The following MYLK variants were observed in gnomAD, a reference collection of about 807,000 sequenced individuals.
MYLK encodes myosin light chain kinase.
A neutral mutation model predicts 203.4 loss-of-function variants in MYLK; 106 were observed. The ratio of observed to expected loss-of-function variants is 0.52; its 90% confidence interval spans 0.45 to 0.61. MYLK has a LOEUF of 0.61. Among genes scored for constraint, MYLK ranks in the 20% least tolerant of loss-of-function variants. The pLI is 0.00. For synonymous variants in MYLK, 867 were observed against 959.5 expected (o/e 0.90, Z 1.78); for missense variants, 2,072 against 2,442.3 (o/e 0.85, Z 3.20).
chr3:123,760,041 T>C (rs1467901960), intron 4 of MYLK, among the ~76,000 whole-genome samples: 1 of 152,188 alleles, frequency 6.6e-6, no homozygotes, highest in Non-Finnish European at 1.5e-5. Context: ...GTCAGACAGA[T>C]CTATGTGTGG....
rs113726016 is a variant in MYLK, at chr3:123,704,377, A to G, written c.2391-2868T>C. On this transcript the variant is annotated intron_variant, in intron 16 of 33. Coordinates refer to ENST00000360304, the MANE Select transcript of MYLK (RefSeq NM_053025.4). ...TCTTGGGGCCATCTTTGACATCTGC[A>G]CATAACCAGTTACAAAATCAGGGCC... Among the ~76,000 whole-genome samples, 1,328 of 152,318 alleles carry G rather than the reference A, an allele frequency of 8.7e-3. 19 individuals carry two copies. The highest frequency in any genetic ancestry group is 0.03 in the African/African-American group (1,249 of 41,572).
chr3:123,637,517 G>A (rs1485274954), intron 29 of MYLK, among the ~76,000 whole-genome samples: 3 of 152,168 alleles, frequency 2.0e-5, no homozygotes, highest in Non-Finnish European at 4.4e-5. Flanking sequence ...TGATTTTTCA[G>A]TTCTAATTAC....
At chr3:123,875,652 A>G (rs1353189807) in intron 2 of MYLK, among the ~76,000 whole-genome samples, 2 of 152,222 alleles carry the variant, frequency 1.3e-5, no homozygotes, top group African/African-American at 2.4e-5. Context: ...CTGTATATAA[A>G]TTATATCTAC....
At chr3:123,702,949 C>T (rs1008357133) in intron 16 of MYLK, among the ~76,000 whole-genome samples, 1 of 152,192 alleles carries the variant, frequency 6.6e-6, no homozygotes, top group African/African-American at 2.4e-5. Flanking sequence ...CTGTGCTTAT[C>T]AGTACAAATC....
chr3:123,727,048 G>T (rs2062314492), intron 11 of MYLK, among the ~76,000 whole-genome samples: 1 of 152,214 alleles, frequency 6.6e-6, no homozygotes. Flanking sequence ...TACTTTTCCA[G>T]ATGTGATTAC....
chr3:123,762,229 CT>C (rs554217014), intron 4 of MYLK, among the ~76,000 whole-genome samples: 18 of 149,086 alleles, frequency 1.2e-4, no homozygotes, highest in South Asian at 2.2e-4. Flanking sequence ...AACTAATATT[CT>C]TTTTTTTTTC....
At chr3:123,661,699 G>A (rs368776916) in intron 23 of MYLK, among the ~76,000 whole-genome samples, 41 of 152,246 alleles carry the variant, frequency 2.7e-4, no homozygotes, top group African/African-American at 8.7e-4. Context: ...CAGAACACAG[G>A]GTAAAGAAAC....
At chr3:123,881,529 T>C (rs2033538541) in intron 1 of MYLK, among the ~76,000 whole-genome samples, 1 of 152,116 alleles carries the variant, frequency 6.6e-6, no homozygotes, top group Non-Finnish European at 1.5e-5. Flanking sequence ...GGCTTCCAAG[T>C]AGGCTTATAT....
intron 23 of MYLK, 54 bp downstream of exon 23, chr3:123,664,051 G>T: frequency 1.9e-6 from 3 of 1,611,826 alleles, no homozygotes; most frequent in African/African-American, 1.3e-5. Context: ...TTGCCTGGGG[G>T]CTCCCTGCCT....
intron 2 of MYLK, among the ~76,000 whole-genome samples, chr3:123,858,160 C>T (rs1048055052): frequency 6.6e-6 from 1 of 152,158 alleles, no homozygotes; most frequent in African/African-American, 2.4e-5. Flanking sequence ...TTATCACTTG[C>T]AATAGTGCCC....
intron 2 of MYLK, among the ~76,000 whole-genome samples, chr3:123,836,595 T>C (rs1214900008): frequency 1.3e-5 from 2 of 152,210 alleles, no homozygotes; most frequent in Non-Finnish European, 2.9e-5. Flanking sequence ...CCTGGTAGGC[T>C]ACCACATGAT....
Position 123,792,166 on chromosome 3 carries a change from A to G in MYLK, c.165+1511T>C, listed in dbSNP as rs79598685. Reference sequence around the variant, plus strand: ...GCAAAGGAAGCAAAAGCATCATCACATGACATAGAGGCCGCCATCTCTTCC... The same window carrying G: ...GCAAAGGAAGCAAAAGCATCATCACGTGACATAGAGGCCGCCATCTCTTCC... On this transcript the variant is annotated intron_variant, in intron 4 of 33. Coordinates refer to ENST00000360304, the MANE Select transcript of MYLK (RefSeq NM_053025.4). 3.6e-3 allele frequency among the ~76,000 whole-genome samples: 547 copies of G among 152,338 alleles called. 5 individuals carry two copies. Among genetic ancestry groups the G allele is most frequent in the African/African-American group, 0.013 (521 of 41,584 alleles).
At position 123,876,773 on chromosome 3, in the gene MYLK, T is replaced by C. The variant is rs908218837; in HGVS notation, c.-185-156A>G. On this transcript the variant is annotated intron_variant, in intron 1 of 33. Coordinates refer to ENST00000360304, the MANE Select transcript of MYLK (RefSeq NM_053025.4). ...GGACTGGGGAGCCATAGATTATTTT[T>C]CAAACAAGGTTCCCAAAGAGATTTT... 7.9e-5 allele frequency among the ~76,000 whole-genome samples: 12 copies of C among 152,212 alleles called. No homozygotes were observed. In the East Asian group the frequency reaches 2.3e-3, roughly 29 times the overall value.
chr3:123,831,174 G>T (rs1259546478), intron 3 of MYLK, among the ~76,000 whole-genome samples: 1 of 152,184 alleles, frequency 6.6e-6, no homozygotes, highest in East Asian at 1.9e-4. Flanking sequence ...CAGCATCCTG[G>T]AGCAGCAGGA....
At chr3:123,769,846 T>C (rs2063818632) in intron 4 of MYLK, among the ~76,000 whole-genome samples, 1 of 152,218 alleles carries the variant, frequency 6.6e-6, no homozygotes, top group Admixed American at 6.5e-5. Flanking sequence ...GTCTCTCTGG[T>C]AGGTCCCAGG....
At chr3:123,617,809 G>A (rs2057591485) in intron 33 of MYLK, 1 of 152,220 alleles carries the variant, frequency 6.6e-6, no homozygotes, top group South Asian at 2.1e-4. Flanking sequence ...ATATGAAAAT[G>A]GAAACGCTTT....
At chr3:123,859,672 A>G (rs1560297131) in intron 2 of MYLK, among the ~76,000 whole-genome samples, 1 of 152,264 alleles carries the variant, frequency 6.6e-6, no homozygotes, top group Non-Finnish European at 1.5e-5. Context: ...AAGGAGTAAA[A>G]GACAAATCGT....
chr3:123,799,876 T>C (rs1241823024), intron 3 of MYLK: 1 of 152,356 alleles, frequency 6.6e-6, no homozygotes, highest in Non-Finnish European at 1.5e-5. Context: ...TGAGTCAGGA[T>C]GCGAGGCAGC....
chr3:123,614,732 A>G (rs1481150193), intron 33 of MYLK, among the ~76,000 whole-genome samples: 1 of 151,794 alleles, frequency 6.6e-6, no homozygotes, highest in African/African-American at 2.4e-5. Flanking sequence ...GGCTCAAACG[A>G]TCCTCCCTTC....
Sources: gnomAD v4.1 joint callset for allele counts (sites outside exome capture counted in the v4.1 genomes callset) on GRCh38, gnomAD v4.1.1 for gene constraint, MANE v1.5 for transcripts, NCBI Gene and HGNC (gene_info 2026-07-23, HGNC 2026-07-21) for gene names.